Variants in VTI1A observed in about 807,000 individuals in gnomAD.
VTI1A encodes vesicle transport through interaction with t-SNAREs homolog 1A.
VTI1A carries 22 observed loss-of-function variants against 34.9 expected under a neutral mutation model. That is an observed-to-expected ratio of 0.63 (90% CI 0.45 to 0.90). The LOEUF (loss-of-function observed/expected upper bound fraction) is 0.90, where lower values mean the gene tolerates loss of function less well. VTI1A is among the 40% of genes least tolerant of loss of function. The probability of loss-of-function intolerance (pLI) is 0.00; values close to 1 mark genes in which losing one functional copy is unlikely to be tolerated. For synonymous variants in VTI1A, 87 were observed against 97.3 expected (o/e 0.89, Z 0.62); for missense variants, 268 against 275.6 (o/e 0.97, Z 0.20).
Position 112,663,186 on chromosome 10 carries a change from C to G in VTI1A, c.428-5032C>G, listed in dbSNP as rs550134851. On this transcript the variant is annotated intron_variant, in intron 5 of 7. Transcript: ENST00000393077. ...ATTTGTTTTTGTGTTTAGAGTTCAT[C>G]TAGATTCCGTTCTGTTTTGTAAGCC... Among the ~76,000 whole-genome samples the G allele has an allele frequency of 2.0e-5, 3 of 152,276 alleles. No individual in the cohort carries two copies. In the South Asian group the frequency reaches 6.2e-4, roughly 32 times the overall value.
chr10:112,611,252 C>G (rs1845297822), intron 5 of VTI1A, among the ~76,000 whole-genome samples: 1 of 152,132 alleles, frequency 6.6e-6, no homozygotes, highest in Non-Finnish European at 1.5e-5. Flanking sequence ...CTCATTGGAC[C>G]TAGGTAGAAC....
At chr10:112,523,029 A>G (rs1344554800) in intron 3 of VTI1A, among the ~76,000 whole-genome samples, 1 of 152,100 alleles carries the variant, frequency 6.6e-6, no homozygotes, top group African/African-American at 2.4e-5. Context: ...CTGGTTACGT[A>G]TACTCTATTT....
chr10:112,673,914 G>A (rs1847945879), intron 7 of VTI1A, among the ~76,000 whole-genome samples: 1 of 150,764 alleles, frequency 6.6e-6, no homozygotes, highest in African/African-American at 2.4e-5. Context: ...GCCATGGCTA[G>A]ATGTTTAAGC....
At chr10:112,844,271 C>G in the VTI1A span, among the ~76,000 whole-genome samples, 1 of 152,186 alleles carries the variant, frequency 6.6e-6, no homozygotes, top group Non-Finnish European at 1.5e-5. Context: ...TTCCTCATTT[C>G]TTTTCCCATC....
chr10:112,776,093 A>T (rs1314719244), intron 7 of VTI1A, among the ~76,000 whole-genome samples: 1 of 152,178 alleles, frequency 6.6e-6, no homozygotes, highest in Non-Finnish European at 1.5e-5. Flanking sequence ...TGTGGCCCCG[A>T]GGGTAATAAC....
intron 7 of VTI1A, among the ~76,000 whole-genome samples, chr10:112,805,081 G>C (rs1853026082): frequency 6.6e-6 from 1 of 151,270 alleles, no homozygotes; most frequent in Non-Finnish European, 1.5e-5. Context: ...GCCCAGGCTG[G>C]TCTCAAATTC....
At chr10:112,448,383 A>G (rs1407133695) in intron 1 of VTI1A, 3 of 152,130 alleles carry the variant, frequency 2.0e-5, no homozygotes, top group African/African-American at 7.2e-5. Context: ...GTGTTTTAGC[A>G]CATCTTATTT....
At chr10:112,757,350 G>GTT (rs1477348323) in intron 7 of VTI1A, among the ~76,000 whole-genome samples, 1 of 66,532 alleles carries the variant, frequency 1.5e-5, no homozygotes, top group Admixed American at 1.7e-4. Context: ...TTGTTGCTGT[G>GTT]ATTTTTTTTT....
At chr10:112,854,138 C>A in the VTI1A span, among the ~76,000 whole-genome samples, 2 of 152,182 alleles carry the variant, frequency 1.3e-5, no homozygotes, top group African/African-American at 4.8e-5. Flanking sequence ...TTCACATGGA[C>A]AGAGTCTGAA....
intron 3 of VTI1A, among the ~76,000 whole-genome samples, chr10:112,492,235 G>T (rs1848850702): frequency 6.6e-6 from 1 of 152,052 alleles, no homozygotes; most frequent in Non-Finnish European, 1.5e-5. Context: ...GTCCCAAAAT[G>T]TTGTCACTCA....
chr10:112,842,051 C>CTTTTTTTTTTTTTTTTTTTTTT, the VTI1A span, among the ~76,000 whole-genome samples: 3 of 66,616 alleles, frequency 4.5e-5, no homozygotes, highest in African/African-American at 6.2e-5. Flanking sequence ...TTTTTTTTTC[C>CTTTTTTTTTTTTTTTTTTTTTT]TTTTTTTTTT....
chr10:112,592,181 G>T (rs1311140668), intron 5 of VTI1A, among the ~76,000 whole-genome samples: 1 of 152,158 alleles, frequency 6.6e-6, no homozygotes, highest in Admixed American at 6.5e-5. Flanking sequence ...ACAACCACTG[G>T]AAATGAACAC....
At chr10:112,834,295 G>A in the VTI1A span, among the ~76,000 whole-genome samples, 1 of 152,160 alleles carries the variant, frequency 6.6e-6, no homozygotes. Context: ...TAGTTCAAGT[G>A]AGCTGATGCC....
intron 7 of VTI1A, among the ~76,000 whole-genome samples, chr10:112,684,887 A>G (rs958817945): frequency 2.0e-5 from 3 of 152,188 alleles, no homozygotes; most frequent in Non-Finnish European, 4.4e-5. Context: ...AACTGCATAT[A>G]TGTGACATAC....
intron 5 of VTI1A, among the ~76,000 whole-genome samples, chr10:112,569,816 T>C (rs1231599056): frequency 1.3e-5 from 2 of 152,206 alleles, no homozygotes; most frequent in African/African-American, 4.8e-5. Context: ...GGCAACTTCC[T>C]TCCTAAGAAG....
At chr10:112,463,634 A>G (rs1231833133) in intron 2 of VTI1A, among the ~76,000 whole-genome samples, 1 of 152,228 alleles carries the variant, frequency 6.6e-6, no homozygotes, top group South Asian at 2.1e-4. Flanking sequence ...TGTTAAAAAA[A>G]AAAAAAGCGC....
chr10:112,528,877 T>C (rs1233718851), intron 4 of VTI1A, among the ~76,000 whole-genome samples: 1 of 152,178 alleles, frequency 6.6e-6, no homozygotes, highest in Non-Finnish European at 1.5e-5. Context: ...CCCTTTTTTT[T>C]CAAACGTGTT....
chr10:112,622,455 T>TAAAAAAA (rs530312462), intron 5 of VTI1A, among the ~76,000 whole-genome samples: 1 of 114,232 alleles, frequency 8.8e-6, no homozygotes, highest in Non-Finnish European at 1.9e-5. Context: ...AAAAAGTACC[T>TAAAAAAA]AAAAAAAAAA....
At chr10:112,851,774 C>G in the VTI1A span, among the ~76,000 whole-genome samples, 1 of 152,146 alleles carries the variant, frequency 6.6e-6, no homozygotes, top group African/African-American at 2.4e-5. Context: ...TGTAGGGAAC[C>G]TTTCCAGCTC....
Sources: gnomAD v4.1 joint callset for allele counts (sites outside exome capture counted in the v4.1 genomes callset) on GRCh38, gnomAD v4.1.1 for gene constraint, MANE v1.5 for transcripts, NCBI Gene and HGNC (gene_info 2026-07-23, HGNC 2026-07-21) for gene names.